ENTREP2: variants seen among roughly 807,000 people sequenced by gnomAD.
ENTREP2 encodes the protein protein ENTREP2.
At chr15:29,258,615 T>C in the ENTREP2 span, among the ~76,000 whole-genome samples, 141,918 of 152,220 alleles carry the variant, frequency 0.93, 66,274 homozygotes, top group East Asian at 1. Context: ...CCCATTTTTA[T>C]GTGTGCAGTT....
chr15:29,347,159 G>A, the ENTREP2 span, among the ~76,000 whole-genome samples: 3 of 150,166 alleles, frequency 2.0e-5, no homozygotes, highest in Admixed American at 6.6e-5. Flanking sequence ...CCTGTCTCGT[G>A]TATGGTTTCT....
the ENTREP2 span, among the ~76,000 whole-genome samples, chr15:29,119,672 C>CA: frequency 9.8e-5 from 10 of 101,616 alleles, 2 homozygotes; most frequent in Admixed American, 2.9e-4. Flanking sequence ...ACAATTCTAG[C>CA]AAAAAAAAAA....
At chr15:29,277,044 A>G in the ENTREP2 span, among the ~76,000 whole-genome samples, 1 of 152,194 alleles carries the variant, frequency 6.6e-6, no homozygotes, top group Non-Finnish European at 1.5e-5. Flanking sequence ...GTACTTTTCC[A>G]TATGGAAAGT....
the ENTREP2 span, among the ~76,000 whole-genome samples, chr15:29,159,114 G>A: frequency 6.6e-6 from 1 of 152,128 alleles, no homozygotes; most frequent in African/African-American, 2.4e-5. Context: ...GTGGACCCTC[G>A]CGCTGAGTGT....
chr15:29,512,143 C>T, the ENTREP2 span, among the ~76,000 whole-genome samples: 1 of 151,874 alleles, frequency 6.6e-6, no homozygotes, highest in Non-Finnish European at 1.5e-5. Context: ...TACCATGAAC[C>T]TAATGAAACT....
chr15:29,425,209 T>TTTGTTTTTTTTAA, the ENTREP2 span, among the ~76,000 whole-genome samples: 1 of 149,470 alleles, frequency 6.7e-6, no homozygotes. Flanking sequence ...GTTTTTTTTT[T>TTTGTTTTTTTTAA]TGTATTTTTT....
At chr15:29,350,773 T>C in the ENTREP2 span, among the ~76,000 whole-genome samples, 1 of 152,156 alleles carries the variant, frequency 6.6e-6, no homozygotes, top group Non-Finnish European at 1.5e-5. Context: ...TGAAACCCTG[T>C]CTATACTAAA....
chr15:29,561,436 C>A, the ENTREP2 span, among the ~76,000 whole-genome samples: 1 of 152,088 alleles, frequency 6.6e-6, no homozygotes, highest in African/African-American at 2.4e-5. Context: ...GCCTGTAATC[C>A]CCGCACTTTG....
the ENTREP2 span, among the ~76,000 whole-genome samples, chr15:29,212,607 T>C: frequency 0.067 from 10,144 of 152,212 alleles, 1,151 homozygotes; most frequent in African/African-American, 0.23. Flanking sequence ...TTCAGTCTTT[T>C]TGATGCAGGC....
chr15:29,136,267 C>T, the ENTREP2 span: 74 of 1,311,540 alleles, frequency 5.6e-5, no homozygotes, highest in South Asian at 1.1e-3. Flanking sequence ...ACAGCCAGCT[C>T]GGACCTGGCG....
chr15:29,363,299 G>C, the ENTREP2 span, among the ~76,000 whole-genome samples: 1 of 152,088 alleles, frequency 6.6e-6, no homozygotes, highest in Non-Finnish European at 1.5e-5. Context: ...ATTTTTAATA[G>C]CATATAAAGT....
At chr15:29,647,128 G>A in the ENTREP2 span, among the ~76,000 whole-genome samples, 1 of 152,142 alleles carries the variant, frequency 6.6e-6, no homozygotes, top group Non-Finnish European at 1.5e-5. Context: ...AACTTGCCTA[G>A]ACCATGACTC....
chr15:29,636,096 G>A, the ENTREP2 span, among the ~76,000 whole-genome samples: 2 of 152,158 alleles, frequency 1.3e-5, no homozygotes, highest in East Asian at 3.8e-4. Flanking sequence ...AACTCTGCCT[G>A]GTGCTAAAGC....
chr15:29,398,049 G>A, the ENTREP2 span, among the ~76,000 whole-genome samples: 1 of 150,990 alleles, frequency 6.6e-6, no homozygotes, highest in Non-Finnish European at 1.5e-5. Context: ...GTTACATTAA[G>A]TTATTCCCTC....
At chr15:29,392,269 G>A in the ENTREP2 span, among the ~76,000 whole-genome samples, 2 of 152,114 alleles carry the variant, frequency 1.3e-5, no homozygotes, top group Non-Finnish European at 2.9e-5. Context: ...GCCTGTAATA[G>A]TTTTATTTCA....
At chr15:29,636,178 G>A in the ENTREP2 span, among the ~76,000 whole-genome samples, 1,346 of 152,300 alleles carry the variant, frequency 8.8e-3, 20 homozygotes, top group African/African-American at 0.028. Flanking sequence ...AGCTCTTCAC[G>A]GGGATGGAAA....
the ENTREP2 span, among the ~76,000 whole-genome samples, chr15:29,524,064 T>C: frequency 6.6e-6 from 1 of 152,080 alleles, no homozygotes; most frequent in African/African-American, 2.4e-5. Context: ...TGTGCTTCAA[T>C]GGACACCATC....
the ENTREP2 span, among the ~76,000 whole-genome samples, chr15:29,535,074 G>A: frequency 2.0e-5 from 3 of 151,368 alleles, no homozygotes; most frequent in Non-Finnish European, 4.4e-5. Flanking sequence ...GGGAGACCTC[G>A]TCTCTATAAA....
At chr15:29,277,164 C>T in the ENTREP2 span, among the ~76,000 whole-genome samples, 3 of 151,878 alleles carry the variant, frequency 2.0e-5, no homozygotes, top group African/African-American at 7.3e-5. Flanking sequence ...GCCAACATGG[C>T]GGAACCCCAT....
Sources: gnomAD v4.1 joint callset for allele counts (sites outside exome capture counted in the v4.1 genomes callset) on GRCh38, gnomAD v4.1.1 for gene constraint, MANE v1.5 for transcripts, NCBI Gene and HGNC (gene_info 2026-07-23, HGNC 2026-07-21) for gene names.